The following CLIC4 variants were observed in gnomAD, a reference collection of about 807,000 sequenced individuals.
The protein encoded by CLIC4 is chloride intracellular channel protein 4.
A neutral mutation model predicts 24.6 loss-of-function variants in CLIC4; 13 were observed. The ratio of observed to expected loss-of-function variants is 0.53; its 90% CI spans 0.34 to 0.84. The LOEUF (loss-of-function observed/expected upper bound fraction) is 0.84, where lower values mean the gene tolerates loss of function less well. Among genes scored for constraint, CLIC4 ranks in the 40% least tolerant of loss-of-function variants. CLIC4 has a pLI of 0.01. For missense variants in CLIC4, 227 were observed against 301.7 expected, an observed-to-expected ratio of 0.75 and a Z score of 1.83; for synonymous variants, 104 against 111.3, an observed-to-expected ratio of 0.93 and a Z score of 0.41.
chr1:24,825,238 G>T (rs563303971), intron 3 of CLIC4, among the ~76,000 whole-genome samples: 95 of 152,254 alleles, frequency 6.2e-4, no homozygotes, highest in Admixed American at 1.7e-3. Context: ...AGGAGAATTT[G>T]GGAAACTTGG....
Position 24,800,790 on chromosome 1 carries a change from G to A in CLIC4, c.182+2939G>A, listed in dbSNP as rs374252140. Among the ~76,000 whole-genome samples the A allele has an allele frequency of 1.3e-3, 196 of 152,284 alleles. 1 individual carries two copies. Among genetic ancestry groups the A allele is most frequent in the African/African-American group, 4.0e-3 (165 of 41,546 alleles). ...CCCCCAACCCTGTGCTCTCTGAAAC[G>A]TGTGCTGTGTCCACTCAGGGTTAAA... On this transcript the variant is annotated intron_variant, in intron 2 of 5. Coordinates refer to ENST00000374379, the MANE Select transcript of CLIC4 (RefSeq NM_013943.3).
intron 2 of CLIC4, among the ~76,000 whole-genome samples, chr1:24,799,560 C>T (rs919610683): frequency 2.5e-4 from 38 of 151,396 alleles, no homozygotes; most frequent in African/African-American, 7.0e-4. Flanking sequence ...AAGTGAGGAG[C>T]GTCTCCGCCC....
intron 1 of CLIC4, among the ~76,000 whole-genome samples, chr1:24,783,263 G>A (rs561733371): frequency 5.0e-4 from 76 of 152,258 alleles, no homozygotes; most frequent in Non-Finnish European, 8.1e-4. Flanking sequence ...GAGAGGTTAA[G>A]TGACTTGCCC....
At chr1:24,748,944 A>G (rs1638741018) in intron 1 of CLIC4, among the ~76,000 whole-genome samples, 3 of 151,454 alleles carry the variant, frequency 2.0e-5, no homozygotes, top group Admixed American at 2.0e-4. Flanking sequence ...GCAGTGGACC[A>G]GGTGTGGTGG....
rs566648448 is a variant in CLIC4, at chr1:24,755,831, T to A, written c.72+10206T>A. 2.0e-3 allele frequency among the ~76,000 whole-genome samples: 300 copies of A among 151,616 alleles called. 2 individuals carry two copies. The highest frequency in any genetic ancestry group is 3.1e-3 in the Non-Finnish European group (208 of 67,872). ...ACTAGGAGTATCTTAAATTTTAACT[T>A]TTTTTTTGAGATGGAGTTTTGCTCT... On this transcript the variant is annotated intron_variant, in intron 1 of 5. Transcript: ENST00000374379.
chr1:24,769,612 T>G (rs908748384), intron 1 of CLIC4, among the ~76,000 whole-genome samples: 4 of 152,180 alleles, frequency 2.6e-5, no homozygotes, highest in Admixed American at 2.6e-4. Flanking sequence ...TCTTATGTTC[T>G]GTTTTCAGTC....
At chr1:24,801,950 G>A (rs1639494495) in intron 2 of CLIC4, among the ~76,000 whole-genome samples, 1 of 152,062 alleles carries the variant, frequency 6.6e-6, no homozygotes. Context: ...AATAAGTCAT[G>A]TAGTTACCCT....
At chr1:24,820,067 G>GTA (rs751126014) in intron 3 of CLIC4, among the ~76,000 whole-genome samples, 1,432 of 36,440 alleles carry the variant, frequency 0.039, 101 homozygotes, top group African/African-American at 0.095. Flanking sequence ...AAAAAAGTAT[G>GTA]TATATATATA....
At chr1:24,815,852 T>C (rs1639662616) in intron 3 of CLIC4, among the ~76,000 whole-genome samples, 1 of 152,222 alleles carries the variant, frequency 6.6e-6, no homozygotes, top group Non-Finnish European at 1.5e-5. Context: ...TTTTTCAAAA[T>C]TAGAATCCAT....
intron 1 of CLIC4, among the ~76,000 whole-genome samples, chr1:24,749,987 G>A (rs976042950): frequency 2.6e-5 from 4 of 152,290 alleles, no homozygotes; most frequent in Non-Finnish European, 1.5e-5. Context: ...TCCCAGCTGA[G>A]GTGGGAGGAT....
chr1:24,786,870 G>A (rs1639273957), intron 1 of CLIC4, among the ~76,000 whole-genome samples: 1 of 151,728 alleles, frequency 6.6e-6, no homozygotes, highest in African/African-American at 2.4e-5. Flanking sequence ...CGCCCGCCTT[G>A]GCCTCCCAAA....
At chr1:24,798,835 C>T (rs1221235394) in intron 2 of CLIC4, among the ~76,000 whole-genome samples, 8 of 152,198 alleles carry the variant, frequency 5.3e-5, no homozygotes, top group East Asian at 1.9e-4. Flanking sequence ...TTGGTGGAGA[C>T]GGGGTTTCGC....
At chr1:24,803,057 A>T (rs1639508074) in intron 2 of CLIC4, among the ~76,000 whole-genome samples, 1 of 152,300 alleles carries the variant, frequency 6.6e-6, no homozygotes, top group South Asian at 2.1e-4. Flanking sequence ...CTTGAACAAA[A>T]TTTTAAAGAG....
Position 24,828,604 on chromosome 1 carries a change from G to A in CLIC4, c.415+1488G>A, listed in dbSNP as rs570668714. 5.9e-5 allele frequency among the ~76,000 whole-genome samples: 9 copies of A among 151,566 alleles called. No homozygotes were observed. The South Asian group carries it at 1.7e-3, about 28-fold the overall frequency. On this transcript the variant is annotated intron_variant, in intron 4 of 5. Transcript: ENST00000374379. ...TCCATGTGGTTTTTTGGGAGTTGGA[G>A]GGTGGTTAAATTTCTTCTGACACTT... is the stretch of plus-strand genomic sequence containing the variant.
chr1:24,819,740 T>TACTTTAAAAAAAAAA, intron 3 of CLIC4, among the ~76,000 whole-genome samples: 1 of 147,680 alleles, frequency 6.8e-6, no homozygotes, highest in Middle Eastern at 3.6e-3. Context: ...CGCCTGACCA[T>TACTTTAAAAAAAAAA]AACTTTTTTT....
intron 1 of CLIC4, among the ~76,000 whole-genome samples, chr1:24,759,377 A>G (rs943459868): frequency 2.6e-4 from 40 of 152,318 alleles, no homozygotes; most frequent in African/African-American, 8.9e-4. Flanking sequence ...AAGGAGCTCT[A>G]TTATAACCAA....
Position 24,841,006 on chromosome 1 carries a change from C to A in CLIC4, c.*69C>A. 1 of 1,317,882 alleles carries A rather than the reference C, an allele frequency of 7.6e-7. No individual in the cohort carries two copies. Among genetic ancestry groups the A allele is most frequent in the Non-Finnish European group, 1.0e-6 (1 of 960,572 alleles). The allele number at this position is 1,317,882 out of a possible 1,614,324, so 81.6% of individuals were successfully genotyped here. ...ATACGCTTTTCCTAACAGGCTACTC[C>A]TTCCTGTAGAGCAGAAATTGTATTT... On this transcript the variant is annotated 3_prime_UTR_variant, in exon 6 of 6. Coordinates refer to ENST00000374379, the MANE Select transcript of CLIC4 (RefSeq NM_013943.3).
intron 3 of CLIC4, among the ~76,000 whole-genome samples, chr1:24,821,091 G>T (rs1639726370): frequency 6.6e-6 from 1 of 152,082 alleles, no homozygotes; most frequent in Non-Finnish European, 1.5e-5. Flanking sequence ...AGCCTGAGGT[G>T]GGAGGATTGC....
chr1:24,842,988 G>A lies in CLIC4; in HGVS notation c.*2051G>A, dbSNP rs1021626856. 4 of 152,184 alleles carry A rather than the reference G, an allele frequency of 2.6e-5. No individual in the cohort carries two copies. Among genetic ancestry groups the A allele is most frequent in the African/African-American group, 9.7e-5 (4 of 41,448 alleles). 9.4% of individuals were successfully genotyped at this position (152,184 alleles called of 1,614,324 possible). On this transcript the variant is annotated 3_prime_UTR_variant, in exon 6 of 6. Transcript: ENST00000374379. The stretch of plus-strand genomic sequence containing the variant: ...ATGGTGGACTGAGTGGTGCGAGGTG[G>A]AGGGCTAACAAGAGGAAAGAACTAC...
Sources: allele counts gnomAD v4.1 joint callset (sites outside exome capture counted in the v4.1 genomes callset), GRCh38; gene constraint gnomAD v4.1.1; transcripts MANE v1.5; gene names NCBI Gene and HGNC (gene_info 2026-07-23, HGNC 2026-07-21).